Variants in SSBP2 observed in about 807,000 individuals in gnomAD.
SSBP2 encodes the protein single-stranded DNA-binding protein 2.
A neutral mutation model predicts 61.8 loss-of-function variants in SSBP2; 17 were observed. That is an observed-to-expected ratio of 0.28 (90% confidence interval 0.19 to 0.41). SSBP2 has a LOEUF of 0.41. SSBP2 is among the 10% of genes least tolerant of loss of function. The pLI, the probability that SSBP2 is intolerant of heterozygous loss-of-function variation, is 1.00. For missense variants in SSBP2, 310 were observed against 458.7 expected, an observed-to-expected ratio of 0.68 and a Z score of 2.96; for synonymous variants, 139 against 141.3, an observed-to-expected ratio of 0.98 and a Z score of 0.12.
intron 5 of SSBP2, among the ~76,000 whole-genome samples, chr5:81,498,670 T>C (rs1372070262): frequency 1.3e-5 from 2 of 152,096 alleles, no homozygotes; most frequent in African/African-American, 2.4e-5. Flanking sequence ...CTTTCCCGTA[T>C]ATAATTTTCT....
At chr5:81,581,490 C>T (rs181075214) in intron 4 of SSBP2, among the ~76,000 whole-genome samples, 14 of 152,228 alleles carry the variant, frequency 9.2e-5, no homozygotes, top group Non-Finnish European at 1.8e-4. Flanking sequence ...AAGAATAACT[C>T]TAAGTTGAAA....
intron 5 of SSBP2, among the ~76,000 whole-genome samples, chr5:81,491,789 G>A (rs572387991): frequency 2.3e-4 from 35 of 152,006 alleles, no homozygotes; most frequent in Non-Finnish European, 4.3e-4. Context: ...CAAAACAATC[G>A]GTTAATATAG....
At chr5:81,549,049 G>A (rs1425923107) in intron 4 of SSBP2, among the ~76,000 whole-genome samples, 11 of 152,106 alleles carry the variant, frequency 7.2e-5, no homozygotes, top group Admixed American at 5.2e-4. Context: ...GCAAGATATA[G>A]TTATAGTTTT....
intron 1 of SSBP2, among the ~76,000 whole-genome samples, chr5:81,712,361 C>CAGATTTCTGGCT (rs1303307199): frequency 6.1e-5 from 3 of 49,410 alleles, no homozygotes; most frequent in African/African-American, 9.0e-5. Flanking sequence ...ATAAAGATTA[C>CAGATTTCTGGCT]AAGGCCGAGG....
chr5:81,515,184 TATC>T (rs1768923252), intron 4 of SSBP2, among the ~76,000 whole-genome samples: 1 of 151,876 alleles, frequency 6.6e-6, no homozygotes, highest in Admixed American at 6.6e-5. Flanking sequence ...GAAGAAAAAA[TATC>T]ATCAAACACA....
At position 81,599,076 on chromosome 5, in the gene SSBP2, C is replaced by T. The variant is rs553471915; in HGVS notation, c.282+16397G>A. Among the ~76,000 whole-genome samples, 5 of 152,170 alleles carry T rather than the reference C, an allele frequency of 3.3e-5. No homozygotes were observed. In the South Asian group the frequency reaches 1.0e-3, roughly 32 times the overall value. On this transcript the variant is annotated intron_variant, in intron 4 of 16. Transcript: ENST00000320672. ...TAACAGTCTTAAATCATCTAAGGGCCCTGAACCCCACAGCAGAATTGGCAT... is the reference window on the plus strand; with the variant it reads ...TAACAGTCTTAAATCATCTAAGGGCTCTGAACCCCACAGCAGAATTGGCAT...
At chr5:81,527,410 T>C (rs189947513) in intron 4 of SSBP2, among the ~76,000 whole-genome samples, 8 of 151,846 alleles carry the variant, frequency 5.3e-5, no homozygotes, top group Admixed American at 5.3e-4. Flanking sequence ...CAAAAGGGGG[T>C]TAGGAAGCAG....
chr5:81,715,446 G>C (rs1433667031), intron 1 of SSBP2, among the ~76,000 whole-genome samples: 1 of 151,744 alleles, frequency 6.6e-6, no homozygotes, highest in Admixed American at 6.6e-5. Flanking sequence ...CAAGTTAGAA[G>C]AATCTGAGAG....
intron 11 of SSBP2, among the ~76,000 whole-genome samples, chr5:81,447,266 A>G (rs1353446607): frequency 6.6e-6 from 1 of 152,214 alleles, no homozygotes; most frequent in African/African-American, 2.4e-5. Context: ...TTTAGTTTTT[A>G]TAGAAAGCTA....
intron 6 of SSBP2, among the ~76,000 whole-genome samples, chr5:81,476,024 T>C (rs963821873): frequency 2.0e-5 from 3 of 152,236 alleles, no homozygotes; most frequent in South Asian, 2.1e-4. Context: ...TTGACTCGGA[T>C]TGCCAACTGT....
intron 3 of SSBP2, among the ~76,000 whole-genome samples, chr5:81,627,077 GAA>G (rs1212553172): frequency 5.9e-5 from 9 of 152,232 alleles, no homozygotes; most frequent in African/African-American, 2.2e-4. Context: ...AAATATTATA[GAA>G]AAAGTCTCAT....
chr5:81,462,791 A>C (rs757479622), intron 9 of SSBP2, among the ~76,000 whole-genome samples: 50 of 152,162 alleles, frequency 3.3e-4, no homozygotes, highest in Non-Finnish European at 6.2e-4. Context: ...AAAACTTGGG[A>C]ACATTTATCT....
chr5:81,487,126 T>C (rs992831848), intron 6 of SSBP2, among the ~76,000 whole-genome samples: 3 of 152,210 alleles, frequency 2.0e-5, no homozygotes, highest in South Asian at 2.1e-4. Context: ...GAACTTATTG[T>C]AATAACATGG....
At chr5:81,549,678 G>A (rs538016612) in intron 4 of SSBP2, among the ~76,000 whole-genome samples, 1 of 152,116 alleles carries the variant, frequency 6.6e-6, no homozygotes, top group South Asian at 2.1e-4. Context: ...CCAATTAGAG[G>A]GCTCTGATTA....
At position 81,413,789 on chromosome 5, in the gene SSBP2, G is replaced by A. The variant is rs1349675416; in HGVS notation, c.*6715C>T. The A allele has an allele frequency of 6.6e-6, 1 of 152,136 alleles. No homozygotes were observed. The highest frequency in any genetic ancestry group is 2.4e-5 in the African/African-American group (1 of 41,448). 9.4% of individuals were successfully genotyped at this position (152,136 alleles called of 1,614,324 possible). A position where few individuals can be genotyped will look rare whatever the true frequency, so the allele number is the denominator to read the frequency against. On this transcript the variant is annotated 3_prime_UTR_variant, in exon 17 of 17. Coordinates refer to ENST00000320672, the MANE Select transcript of SSBP2 (RefSeq NM_012446.5). ...GATGGTGCTAAATTTAAAGTAATTTGTTGTCAAATTATGGTAACTGTACAG... is the reference window on the plus strand; with the variant it reads ...GATGGTGCTAAATTTAAAGTAATTTATTGTCAAATTATGGTAACTGTACAG...
At chr5:81,641,811 A>T (rs1007881245) in intron 2 of SSBP2, among the ~76,000 whole-genome samples, 1 of 152,202 alleles carries the variant, frequency 6.6e-6, no homozygotes, top group Non-Finnish European at 1.5e-5. Flanking sequence ...GTGTGCTATC[A>T]TTAAAAAGAA....
intron 1 of SSBP2, among the ~76,000 whole-genome samples, chr5:81,654,995 A>T (rs751515945): frequency 1.3e-5 from 2 of 151,562 alleles, no homozygotes; most frequent in African/African-American, 4.8e-5. Flanking sequence ...ACTTATATAT[A>T]TTTTAAAAAT....
chr5:81,538,672 G>A (rs1771004935), intron 4 of SSBP2, among the ~76,000 whole-genome samples: 1 of 152,208 alleles, frequency 6.6e-6, no homozygotes, highest in South Asian at 2.1e-4. Context: ...GCTTTAAGCT[G>A]AAGCCAATGC....
intron 6 of SSBP2, 29 bp downstream of exon 6, chr5:81,489,220 CA>C: frequency 6.4e-7 from 1 of 1,573,422 alleles, no homozygotes. Context: ...TTGATTCTTA[CA>C]AAAAACTTAC....
Sources: gnomAD v4.1 joint callset for allele counts (sites outside exome capture counted in the v4.1 genomes callset) on GRCh38, gnomAD v4.1.1 for gene constraint, MANE v1.5 for transcripts, NCBI Gene and HGNC (gene_info 2026-07-23, HGNC 2026-07-21) for gene names.